The following UNC80 variants were observed in gnomAD, a reference collection of about 807,000 sequenced individuals.
The protein encoded by UNC80 is protein unc-80 homolog.
In UNC80, 164 loss-of-function variants were observed where a neutral mutation model predicts 384.6. That is an observed-to-expected ratio of 0.43 (90% CI 0.38 to 0.49). The LOEUF is 0.49. UNC80 is among the 20% of genes least tolerant of loss of function. The pLI is 0.00. For missense variants in UNC80, 3,330 were observed against 4,143.0 expected (o/e 0.80, Z 5.39); for synonymous variants, 1,486 against 1,527.8 (o/e 0.97, Z 0.64).
chr2:209,978,812 T>TA, intron 59 of UNC80, 104 bp downstream of exon 59: 1 of 1,136,576 alleles, frequency 8.8e-7, no homozygotes, highest in South Asian at 2.8e-5. Flanking sequence ...TCTGATCCCC[T>TA]AGTCATTTTT....
Position 209,967,463 on chromosome 2 carries a change from T to A in UNC80, c.7832T>A (p.Leu2611Gln). ...MRLAEIAHSL[L>Q]KLAPYDTQTM... ...TTGGCAGAAATTGCACACTCCCTTC[T>A]GAAGCTGGCACCATATGACACTCAG... Residue 2611 changes from leucine to glutamine, a missense_variant, in exon 52 of 65, where the codon CTG becomes CAG. Leu to Gln is a moderately radical substitution (Grantham distance 113, BLOSUM62 -2). Around this residue, in one of 8 missense-constraint regions of UNC80, gnomAD observed 1,049 missense variants for 1,488.6 expected, o/e 0.70. Transcript: ENST00000673920. The A allele has an allele frequency of 6.4e-7, 1 of 1,551,376 alleles. No homozygotes were observed. Among genetic ancestry groups the A allele is most frequent in the South Asian group, 1.2e-5 (1 of 84,042 alleles).
At chr2:209,984,016 A>G (rs928164750) in intron 60 of UNC80, among the ~76,000 whole-genome samples, 2 of 152,184 alleles carry the variant, frequency 1.3e-5, no homozygotes, top group Non-Finnish European at 2.9e-5. Context: ...AGTTTTCTAA[A>G]TGGTTTAGTT....
At chr2:209,814,154 G>C (rs929956012) in intron 8 of UNC80, among the ~76,000 whole-genome samples, 1 of 152,058 alleles carries the variant, frequency 6.6e-6, no homozygotes, top group Non-Finnish European at 1.5e-5. Context: ...CATTAAATCT[G>C]TTGATTACCA....
In UNC80 at chr2:209,922,371, G is replaced by A. The variant is rs377263179; in HGVS notation, c.5650G>A (p.Val1884Ile). Residue 1884 changes from valine (V) to isoleucine (I), a missense_variant, in exon 35 of 65, where the codon GTC becomes ATC. By Grantham distance (29) the Val-to-Ile change is conservative (BLOSUM62 3). Transcript: ENST00000673920. ...GTCAGTCTGGTCAGTGCGTTCAGCC[G>A]TCAGTGCTGAAGGTGTGTCCTCTTG... is the stretch of plus-strand genomic sequence containing the variant. ...RGSVWSVRSA[V>I]SAEDEEHTTE... The A allele has an allele frequency of 3.6e-5, 56 of 1,551,460 alleles. No individual in the cohort carries two copies. The highest frequency in any genetic ancestry group is 1.7e-4 in the Middle Eastern group (1 of 6,014).
chr2:209,893,682 G>A (rs2086560430), intron 26 of UNC80, among the ~76,000 whole-genome samples: 1 of 152,142 alleles, frequency 6.6e-6, no homozygotes, highest in South Asian at 2.1e-4. Flanking sequence ...TTTCTGAGGA[G>A]CAGAGTGGAA....
intron 7 of UNC80, among the ~76,000 whole-genome samples, chr2:209,811,148 C>T (rs1350708784): frequency 6.6e-6 from 1 of 152,106 alleles, no homozygotes; most frequent in Non-Finnish European, 1.5e-5. Flanking sequence ...AAGTGGCACT[C>T]AGGGTCTCAG....
rs1330374786 is a variant in UNC80, at chr2:209,772,055, C to T, written c.-18C>T. On this transcript the variant is annotated 5_prime_UTR_variant, in exon 1 of 65. Transcript: ENST00000673920. The stretch of plus-strand genomic sequence containing the variant: ...GACAGAGCTGGGTCCTGCAGTAGGA[C>T]TCCCGGGAGCCACCATTATGGTGAA... 2 of 1,543,894 alleles carry T rather than the reference C, an allele frequency of 1.3e-6. No individual in the cohort carries two copies. Among genetic ancestry groups the T allele is most frequent in the Admixed American group, 3.9e-5 (2 of 50,938 alleles).
intron 4 of UNC80, among the ~76,000 whole-genome samples, chr2:209,779,379 A>C (rs1390578660): frequency 6.6e-6 from 1 of 152,154 alleles, no homozygotes; most frequent in Non-Finnish European, 1.5e-5. Context: ...TCAGATTTTC[A>C]CATAGCCATG....
At chr2:209,878,245 T>A (rs1429224022) in intron 24 of UNC80, among the ~76,000 whole-genome samples, 156 bp downstream of exon 24, 1 of 152,172 alleles carries the variant, frequency 6.6e-6, no homozygotes. Context: ...GTGTAAAGCA[T>A]GTGCATAAAG....
Position 209,998,854 on chromosome 2 carries a change from G to A in UNC80, c.*3259G>A, listed in dbSNP as rs1575274508. The stretch of plus-strand genomic sequence containing the variant: ...CATTCCATGGCCTTGTCTTGGCAGG[G>A]AGTAAAAAATCCCACTTCTTTTTAC... On this transcript the variant is annotated 3_prime_UTR_variant, in exon 65 of 65. Coordinates refer to ENST00000673920, the MANE Select transcript of UNC80 (RefSeq NM_001371986.1). 1 of 152,158 alleles carries A rather than the reference G, an allele frequency of 6.6e-6. No homozygotes were observed. The highest frequency in any genetic ancestry group is 2.4e-5 in the African/African-American group (1 of 41,424). 9.4% of individuals were successfully genotyped at this position (152,158 alleles called of 1,614,324 possible). A position where few individuals can be genotyped will look rare whatever the true frequency, so the allele number is the denominator to read the frequency against.
chr2:209,993,379 G>A lies in UNC80; in HGVS notation c.9461G>A (p.Arg3154Gln), dbSNP rs180715751. The A allele has an allele frequency of 6.4e-6, 10 of 1,551,748 alleles. No homozygotes were observed. The highest frequency in any genetic ancestry group is 2.7e-5 in the African/African-American group (2 of 73,160). Residue 3154 changes from arginine to glutamine, a missense_variant, in exon 63 of 65, where the codon CGG (arginine) becomes CAG (glutamine). Physicochemically the swap from Arg to Gln is conservative, Grantham distance 43. Transcript: ENST00000673920. ...QTEPRNRQGA[R>Q]LSTTRRSIQP... ...GAACCCAGAAATCGCCAAGGGGCTC[G>A]GCTGTCAACCACTCGCAGGAGCATT...
At chr2:209,801,377 C>CTTTTTTTTTTTTTTTTTTTTTT (rs35079056) in intron 7 of UNC80, among the ~76,000 whole-genome samples, 1 of 65,976 alleles carries the variant, frequency 1.5e-5, no homozygotes. Flanking sequence ...GCAACCCCTG[C>CTTTTTTTTTTTTTTTTTTTTTT]TTTTTTTTTT....
chr2:209,962,624 A>G (rs2092628636), intron 51 of UNC80, among the ~76,000 whole-genome samples: 1 of 152,182 alleles, frequency 6.6e-6, no homozygotes, highest in Non-Finnish European at 1.5e-5. Flanking sequence ...GATCAATAGG[A>G]GGGCAACATT....
intron 28 of UNC80, 109 bp from the exon 29 acceptor site, chr2:209,904,656 A>G (rs1375478421): frequency 6.5e-6 from 6 of 929,006 alleles, no homozygotes; most frequent in South Asian, 1.5e-5. Context: ...ATTTCAAGAC[A>G]CATCCAGGGA....
chr2:209,873,886 C>G (rs949496775), intron 23 of UNC80, among the ~76,000 whole-genome samples: 1 of 152,100 alleles, frequency 6.6e-6, no homozygotes. Context: ...TGTGTGCAGT[C>G]TTTCTGTATC....
chr2:209,829,415 G>C, intron 15 of UNC80, 36 bp downstream of exon 15: 1 of 1,549,392 alleles, frequency 6.5e-7, no homozygotes, highest in South Asian at 1.2e-5. Flanking sequence ...AGGAGAAGTC[G>C]TTGTGAGGTG....
intron 28 of UNC80, among the ~76,000 whole-genome samples, chr2:209,900,949 G>A (rs935283691): frequency 6.6e-6 from 1 of 152,154 alleles, no homozygotes; most frequent in African/African-American, 2.4e-5. Context: ...GCTGAGAAAG[G>A]GGAAGAAGCT....
intron 46 of UNC80, among the ~76,000 whole-genome samples, 180 bp downstream of exon 46, chr2:209,945,369 C>T (rs1217189607): frequency 6.6e-6 from 1 of 152,022 alleles, no homozygotes; most frequent in African/African-American, 2.4e-5. Context: ...TCTTAAATTT[C>T]TTATGAATCC....
intron 21 of UNC80, among the ~76,000 whole-genome samples, chr2:209,843,512 G>A (rs982151584): frequency 5.3e-5 from 8 of 151,974 alleles, no homozygotes; most frequent in Non-Finnish European, 7.4e-5. Flanking sequence ...CAATAATTTT[G>A]AGGAGAATCC....
Sources: allele counts gnomAD v4.1 joint callset (sites outside exome capture counted in the v4.1 genomes callset), GRCh38; gene constraint gnomAD v4.1.1; regional missense constraint gnomAD v4.1.1; transcripts MANE v1.5; gene names NCBI Gene and HGNC (gene_info 2026-07-23, HGNC 2026-07-21).